The following LANCL1 variants were observed in gnomAD, a reference collection of about 807,000 sequenced individuals.
LANCL1 encodes the protein LanC like glutathione S-transferase 1, also known as glutathione S-transferase LANCL1.
A neutral mutation model predicts 50.6 loss-of-function variants in LANCL1; 50 were observed. That is an observed-to-expected ratio of 0.99 (90% CI 0.79 to 1.25). The LOEUF is 1.25. Ranked by LOEUF, LANCL1 falls within the 50% of genes most tolerant of loss-of-function variation. LANCL1 has a pLI of 0.00. For missense variants in LANCL1, 532 were observed against 480.7 expected, an observed-to-expected ratio of 1.11 and a Z score of -1.00; for synonymous variants, 188 against 178.6, an observed-to-expected ratio of 1.05 and a Z score of -0.42.
At chr2:210,446,943 C>G (rs888356467) in intron 4 of LANCL1, among the ~76,000 whole-genome samples, 3 of 152,172 alleles carry the variant, frequency 2.0e-5, no homozygotes, top group Non-Finnish European at 4.4e-5. Context: ...TTATCCAGAA[C>G]TTCCCCAACC....
At chr2:210,439,390 T>C (rs1056685752) in intron 6 of LANCL1, among the ~76,000 whole-genome samples, 1 of 152,214 alleles carries the variant, frequency 6.6e-6, no homozygotes, top group Non-Finnish European at 1.5e-5. Flanking sequence ...TGATTATTTG[T>C]TTCAATGAAA....
intron 5 of LANCL1, 123 bp downstream of exon 5, chr2:210,441,185 G>C: frequency 1.0e-6 from 1 of 964,166 alleles, no homozygotes. Context: ...CCAACCTTTA[G>C]AGGTCCAGAT....
intron 4 of LANCL1, among the ~76,000 whole-genome samples, chr2:210,446,140 C>T (rs1307344916): frequency 2.0e-5 from 3 of 151,850 alleles, no homozygotes; most frequent in African/African-American, 4.8e-5. Context: ...TCAAGTGAGT[C>T]CCTGCCCCCC....
At chr2:210,452,141 T>C (rs1001366277) in intron 4 of LANCL1, among the ~76,000 whole-genome samples, 15 of 152,116 alleles carry the variant, frequency 9.9e-5, no homozygotes, top group African/African-American at 3.6e-4. Flanking sequence ...TTAATGCCAA[T>C]GAACTGTACA....
At chr2:210,474,614 T>C (rs935247940) in intron 2 of LANCL1, among the ~76,000 whole-genome samples, 7 of 151,496 alleles carry the variant, frequency 4.6e-5, no homozygotes, top group Non-Finnish European at 8.8e-5. Context: ...TAATCCCAGC[T>C]ACTCAGGAGG....
chr2:210,448,134 A>C (rs1043576384), intron 4 of LANCL1, among the ~76,000 whole-genome samples: 1 of 152,244 alleles, frequency 6.6e-6, no homozygotes, highest in Non-Finnish European at 1.5e-5. Context: ...ATGGAAAAGA[A>C]TGGAAATCCT....
intron 2 of LANCL1, among the ~76,000 whole-genome samples, chr2:210,474,739 A>AAT (rs67598983): frequency 2.7e-5 from 4 of 148,094 alleles, no homozygotes; most frequent in East Asian, 2.0e-4. Context: ...AATAAAAATA[A>AAT]AAATAAATAA....
chr2:210,458,538 C>T (rs923072235), intron 3 of LANCL1, among the ~76,000 whole-genome samples: 3 of 152,076 alleles, frequency 2.0e-5, no homozygotes, highest in Admixed American at 6.5e-5. Flanking sequence ...GGAGTAGGAG[C>T]GAGACACAGG....
rs200854057 is a variant in LANCL1 at position 210,471,940 on chromosome 2, C to G, written c.199+19G>C. ...CTTAAGCACAATGCTTATGCCAGCT[C>G]ACAGTCAGCACTTCATACCTGCCCA... On this transcript the variant is annotated intron_variant, in intron 3 of 9. Coordinates refer to ENST00000450366, the MANE Select transcript of LANCL1 (RefSeq NM_006055.3). 6.5e-7 allele frequency: 1 copy of G among 1,532,106 alleles called. No individual in the cohort carries two copies. Among genetic ancestry groups the G allele is most frequent in the Non-Finnish European group, 9.0e-7 (1 of 1,105,114 alleles). The allele number at this position is 1,532,106 out of a possible 1,614,324, so 94.9% of individuals were successfully genotyped here.
Position 210,455,324 on chromosome 2 carries a change from A to AAAC in LANCL1, c.200-11_200-10insGTT, listed in dbSNP as rs1693638732. Reference sequence around the variant, plus strand: ...TAAAGCACAGCAATACCTGAAAAAAAAAAAAGGAAACAATGTAAAGATGAG... The same window carrying AAAC: ...TAAAGCACAGCAATACCTGAAAAAAAAACAAAAAGGAAACAATGTAAAGATGAG... On this transcript the variant is annotated splice_polypyrimidine_tract_variant and intron_variant, in intron 3 of 9. Coordinates refer to ENST00000450366, the MANE Select transcript of LANCL1 (RefSeq NM_006055.3). 2 of 1,596,086 alleles carry AAAC rather than the reference A, an allele frequency of 1.3e-6. No individual in the cohort carries two copies. Among genetic ancestry groups the AAAC allele is most frequent in the Non-Finnish European group, 1.7e-6 (2 of 1,173,242 alleles).
rs78940796 is a variant in LANCL1, at chr2:210,474,739, A to AAAATAAATAAATAAATAAATAAATAAAT, written c.81+1576_81+1577insATTTATTTATTTATTTATTTATTTATTT. On this transcript the variant is annotated intron_variant, in intron 2 of 9. Coordinates refer to ENST00000450366, the MANE Select transcript of LANCL1 (RefSeq NM_006055.3). ...GACTCCGTCTAAAAAAATAAAAATA[A>AAAATAAATAAATAAATAAATAAATAAAT]AAATAAATAAATAAATAAATAAAGG... 6.8e-5 allele frequency among the ~76,000 whole-genome samples: 10 copies of AAAATAAATAAATAAATAAATAAATAAAT among 147,990 alleles called. No homozygotes were observed. In the East Asian group the frequency reaches 8.0e-4, roughly 12 times the overall value.
rs1694372353 is a variant in LANCL1, at chr2:210,476,350, G to A, written c.47C>T (p.Ser16Phe). 1.2e-6 allele frequency: 2 copies of A among 1,614,094 alleles called. No homozygotes were observed. Among genetic ancestry groups the A allele is most frequent in the Non-Finnish European group, 1.7e-6 (2 of 1,179,994 alleles). Residue 16 changes from serine to phenylalanine, a missense_variant, in exon 2 of 10, where the codon TCC becomes TTC. Physicochemically the swap from Ser to Phe is radical, Grantham distance 155. Transcript: ENST00000450366. ...AGCATCAAAGTAGCCTTCGGCCAGG[G>A]ATTTGTTATAATCAGCATAAGGATT... ...FPNPYADYNK[S>F]LAEGYFDAAG...
rs140774009 is a variant in LANCL1 at position 210,473,098 on chromosome 2, G to A, written c.82-1022C>T. Reference sequence around the variant, plus strand: ...GTGTCTTAAAAAGTCACTGAAGGCCGGGCACAGTGGCTAATGCCTGTAATC... The same window carrying A: ...GTGTCTTAAAAAGTCACTGAAGGCCAGGCACAGTGGCTAATGCCTGTAATC... On this transcript the variant is annotated intron_variant, in intron 2 of 9. Transcript: ENST00000450366. Among the ~76,000 whole-genome samples the A allele has an allele frequency of 2.9e-4, 44 of 152,246 alleles. No individual in the cohort carries two copies. The East Asian group carries it at 7.7e-3, about 27-fold the overall frequency.
At chr2:210,474,923 A>G (rs908576210) in intron 2 of LANCL1, among the ~76,000 whole-genome samples, 1 of 152,186 alleles carries the variant, frequency 6.6e-6, no homozygotes, top group Non-Finnish European at 1.5e-5. Flanking sequence ...CTTCAGCTTG[A>G]GAATCTGCAC....
chr2:210,449,696 G>A (rs1162912379), intron 4 of LANCL1, among the ~76,000 whole-genome samples: 2 of 151,984 alleles, frequency 1.3e-5, no homozygotes, highest in African/African-American at 2.4e-5. Flanking sequence ...ATTCCTATAC[G>A]CTAATAATAG....
intron 6 of LANCL1, 138 bp from the exon 7 acceptor site, chr2:210,438,010 TCCA>T: frequency 9.2e-6 from 5 of 544,660 alleles, no homozygotes; most frequent in Non-Finnish European, 1.5e-5. Context: ...ATCCAATTTT[TCCA>T]CCTATTGGAT....
intron 4 of LANCL1, among the ~76,000 whole-genome samples, chr2:210,451,118 G>T (rs369900016): frequency 2.0e-5 from 3 of 152,132 alleles, no homozygotes; most frequent in East Asian, 3.8e-4. Context: ...AGAAAATGTA[G>T]CACATATACA....
Position 210,435,342 on chromosome 2 carries a change from T to C in LANCL1, c.1123+45A>G, listed in dbSNP as rs764177570. 13 of 1,429,134 alleles carry C rather than the reference T, an allele frequency of 9.1e-6. No homozygotes were observed. In the Admixed American group the frequency reaches 1.5e-4, roughly 17 times the overall value. 88.5% of individuals were successfully genotyped at this position (1,429,134 alleles called of 1,614,324 possible). A position where few individuals can be genotyped will look rare whatever the true frequency, so the allele number is the denominator to read the frequency against. On this transcript the variant is annotated intron_variant, in intron 9 of 9. Transcript: ENST00000450366. ...ATACATTAATTACCAAGCAGAGAAG[T>C]AGATGCTGATATTATAGGGCAAATA...
chr2:210,477,530 T>C, upstream of LANCL1: 1 of 1,308,038 alleles, frequency 7.6e-7, no homozygotes, highest in African/African-American at 1.5e-5. Context: ...CTCCTTTTCC[T>C]TCTCTCCGGT....
Sources: allele counts gnomAD v4.1 joint callset (sites outside exome capture counted in the v4.1 genomes callset), GRCh38; gene constraint gnomAD v4.1.1; transcripts MANE v1.5; gene names NCBI Gene and HGNC (gene_info 2026-07-23, HGNC 2026-07-21).